The following CAPN12 variants were observed in gnomAD, a reference collection of about 807,000 sequenced individuals.
CAPN12 encodes the protein calpain-12.
CAPN12 carries 107 observed loss-of-function variants against 95.0 expected under a neutral mutation model. That is an observed-to-expected ratio of 1.13 (90% CI 0.96 to 1.32). CAPN12 has a LOEUF of 1.32. Ranked by LOEUF, CAPN12 falls within the 40% of genes most tolerant of loss-of-function variation. The probability of loss-of-function intolerance (pLI) is 0.00; values close to 1 mark genes in which losing one functional copy is unlikely to be tolerated. For missense variants in CAPN12, 1,136 were observed against 997.8 expected, an observed-to-expected ratio of 1.14 and a Z score of -1.87; for synonymous variants, 505 against 415.5, an observed-to-expected ratio of 1.22 and a Z score of -2.62.
rs893018917 is a variant in CAPN12, at chr19:38,730,564, G to GTGTC, written c.*284_*287dup. On this transcript the variant is annotated 3_prime_UTR_variant, in exon 21 of 21. Coordinates refer to ENST00000328867, the MANE Select transcript of CAPN12 (RefSeq NM_144691.4). ...AGCATCATCTTTTTTTATTTCTCCT[G>GTGTC]TGTCTGTCCTCCACCTTCTAGGAGA... 4 of 517,146 alleles carry GTGTC rather than the reference G, an allele frequency of 7.7e-6. No individual in the cohort carries two copies. Among genetic ancestry groups the GTGTC allele is most frequent in the Non-Finnish European group, 1.4e-5 (4 of 289,336 alleles). 32.0% of individuals were successfully genotyped at this position (517,146 alleles called of 1,614,324 possible).
chr19:38,744,093 G>A lies in CAPN12; in HGVS notation c.73C>T (p.Gln25Ter). 2 of 1,614,188 alleles carry A rather than the reference G, an allele frequency of 1.2e-6. No homozygotes were observed. Among genetic ancestry groups the A allele is most frequent in the African/African-American group, 1.3e-5 (1 of 75,062 alleles). Reference sequence around the variant, plus strand: ...TCATAGCTCTGGCCCCGAAAAAGCTGCAGGCGCCCGGCTCCGACCCCAGCC... The same window carrying A: ...TCATAGCTCTGGCCCCGAAAAAGCTACAGGCGCCCGGCTCCGACCCCAGCC... ...EEAGVGAGRLQLFRGQSYEAI... is the reference protein window; with the variant it reads ...EEAGVGAGRL The change falls in exon 1 of 21, where the codon CAG becomes TAG. Residue 25 changes from glutamine (Q) to a stop codon, truncating the protein, a stop_gained. Coordinates refer to ENST00000328867, the MANE Select transcript of CAPN12 (RefSeq NM_144691.4). LOFTEE classifies it high-confidence loss of function.
chr19:38,731,416 T>G, intron 18 of CAPN12, 193 bp from the exon 19 acceptor site: 6 of 616,064 alleles, frequency 9.7e-6, no homozygotes, highest in Non-Finnish European at 1.2e-5. Context: ...TCAAACGGAC[T>G]AAGACAGCCC....
rs145580324 is a variant in CAPN12, at chr19:38,740,063, G to A, written c.717C>T (p.Gly239=). 6.8e-4 allele frequency: 1,081 copies of A among 1,591,278 alleles called. 2 individuals carry two copies. Among genetic ancestry groups the A allele is most frequent in the Non-Finnish European group, 8.6e-4 (1,002 of 1,167,684 alleles). Reference sequence around the variant, plus strand: ...CCAGGTCTCTTACCAGGGCAGTGGCGCCCACGAGGGACTCCTTGGCCAGGG... The same window carrying A: ...CCAGGTCTCTTACCAGGGCAGTGGCACCCACGAGGGACTCCTTGGCCAGGG... ...RHALAKESLV[G]ATALSDRGEY... Residue 239 remains glycine, a synonymous_variant, in exon 5 of 21, where the codon GGC becomes GGT. Transcript: ENST00000328867.
intron 5 of CAPN12, 67 bp downstream of exon 5, chr19:38,739,979 GCCCAC>G: frequency 1.4e-6 from 2 of 1,424,360 alleles, no homozygotes; most frequent in Admixed American, 5.2e-5. Context: ...GAAGCACTCC[GCCCAC>G]CCCACCACAC....
At chr19:38,737,441 C>T in intron 9 of CAPN12, 34 bp downstream of exon 9, 2 of 1,611,876 alleles carry the variant, frequency 1.2e-6, no homozygotes, top group Non-Finnish European at 1.7e-6. Flanking sequence ...CGCCCCCCAC[C>T]CCAGGAAGCC....
rs1970766040 is a variant in CAPN12, at chr19:38,744,445, C to T, written c.-280G>A. ...GCAGAGCTGAGGGAGGACCGGCTGC[C>T]GCTGTCAGAGCACCAAGAAGGAGGT... On this transcript the variant is annotated 5_prime_UTR_variant, in exon 1 of 21. Coordinates refer to ENST00000328867, the MANE Select transcript of CAPN12 (RefSeq NM_144691.4). 2 of 519,026 alleles carry T rather than the reference C, an allele frequency of 3.9e-6. No homozygotes were observed. Among genetic ancestry groups the T allele is most frequent in the African/African-American group, 1.9e-5 (1 of 52,150 alleles). 32.2% of individuals were successfully genotyped at this position (519,026 alleles called of 1,614,324 possible). A position where few individuals can be genotyped will look rare whatever the true frequency, so the allele number is the denominator to read the frequency against.
chr19:38,742,999 G>A, intron 2 of CAPN12, 34 bp downstream of exon 2: 2 of 1,608,104 alleles, frequency 1.2e-6, no homozygotes, highest in Non-Finnish European at 1.7e-6. Flanking sequence ...AAACTAGCTG[G>A]ATCTGAGGAC....
intron 12 of CAPN12, 59 bp downstream of exon 12, chr19:38,736,051 G>C (rs1970109718): frequency 3.7e-6 from 3 of 821,510 alleles, no homozygotes; most frequent in Non-Finnish European, 5.2e-6. Context: ...CGGGGGTCTC[G>C]GGGGTCTCGG....
chr19:38,736,636 C>CT, intron 10 of CAPN12, 73 bp from the exon 11 acceptor site: 8 of 1,499,006 alleles, frequency 5.3e-6, no homozygotes, highest in Non-Finnish European at 7.3e-6. Flanking sequence ...CTCCCTGCCC[C>CT]TTCTCACCTC....
chr19:38,730,948 C>T lies in CAPN12; in HGVS notation c.2133+17G>A. On this transcript the variant is annotated intron_variant, in intron 20 of 20. Coordinates refer to ENST00000328867, the MANE Select transcript of CAPN12 (RefSeq NM_144691.4). ...AGGACAGAGCCTGAGCCACCCTGTC[C>T]CTCCCACCTGGCTCACCTGTCTGTG... 1.9e-6 allele frequency: 3 copies of T among 1,550,570 alleles called. No individual in the cohort carries two copies. Among genetic ancestry groups the T allele is most frequent in the Non-Finnish European group, 2.6e-6 (3 of 1,147,058 alleles).
Position 38,742,484 on chromosome 19 carries a change from G to A in CAPN12, c.352C>T (p.Pro118Ser), listed in dbSNP as rs766881782. The A allele has an allele frequency of 8.1e-6, 13 of 1,613,652 alleles. No homozygotes were observed. The highest frequency in any genetic ancestry group is 1.3e-5 in the African/African-American group (1 of 74,898). Residue 118 changes from proline to serine, a missense_variant, in exon 3 of 21, where the codon CCC (proline) becomes TCC (serine). Pro to Ser is a moderately conservative substitution (Grantham distance 74). Coordinates refer to ENST00000328867, the MANE Select transcript of CAPN12 (RefSeq NM_144691.4). The part of the protein sequence containing the change: ...LAAAASLTLY[P>S]RLLRRVVPPG... ...GGGACCACCCGGCGCAGGAGCCGGGGATACAGAGTAAGGGAGGCGGCAGCT... is the reference window on the plus strand; with the variant it reads ...GGGACCACCCGGCGCAGGAGCCGGGAATACAGAGTAAGGGAGGCGGCAGCT...
chr19:38,743,114 G>A lies in CAPN12; in HGVS notation c.238-12C>T. On this transcript the variant is annotated splice_polypyrimidine_tract_variant and intron_variant, in intron 1 of 20. Coordinates refer to ENST00000328867, the MANE Select transcript of CAPN12 (RefSeq NM_144691.4). Reference sequence around the variant, plus strand: ...TCAGCACAGAACTCCTGTGGGTGGTGGGGGATTCCAGGCCTCAGCCTGAGA... The same window carrying A: ...TCAGCACAGAACTCCTGTGGGTGGTAGGGGATTCCAGGCCTCAGCCTGAGA... 1.2e-6 allele frequency: 2 copies of A among 1,613,976 alleles called. No individual in the cohort carries two copies. The highest frequency in any genetic ancestry group is 1.7e-6 in the Non-Finnish European group (2 of 1,179,896).
In CAPN12 at chr19:38,736,272, CG is replaced by C; in HGVS notation, c.1420del (p.Arg474GlyfsTer16). The C allele has an allele frequency of 6.9e-7, 1 of 1,457,948 alleles. No homozygotes were observed. Among genetic ancestry groups the C allele is most frequent in the South Asian group, 1.4e-5 (1 of 70,572 alleles). 90.3% of individuals were successfully genotyped at this position (1,457,948 alleles called of 1,614,324 possible). ...GGGCGAGCGGTCGGCGCGCAGCAGCCGGGGCAGGAGCGCATGGCTGCGCGGG... is the reference window on the plus strand; with the variant it reads ...GGGCGAGCGGTCGGCGCGCAGCAGCCGGGCAGGAGCGCATGGCTGCGCGGG... ...DSPRSHALLP[R>X]LLRADRSPLS... On this transcript the variant is annotated frameshift_variant, in exon 12 of 21. Coordinates refer to ENST00000328867, the MANE Select transcript of CAPN12 (RefSeq NM_144691.4). LOFTEE classifies it high-confidence loss of function.
At chr19:38,744,506 T>C, upstream of CAPN12, 1 of 382,216 alleles carries the variant, frequency 2.6e-6, no homozygotes, top group Non-Finnish European at 4.9e-6. Flanking sequence ...CTTATGCCTG[T>C]GGGGCTGGGG....
intron 14 of CAPN12, 88 bp downstream of exon 14, chr19:38,735,282 A>G (rs1001236862): frequency 5.3e-5 from 70 of 1,319,102 alleles, no homozygotes; most frequent in Non-Finnish European, 7.0e-5. Context: ...AAGCAAAATG[A>G]GACACCTGAG....
At position 38,735,441 on chromosome 19, in the gene CAPN12, C is replaced by A. The variant is rs557121788; in HGVS notation, c.1627-12G>T. ...GGCAGGTAGGGGCCCTGCCGCATGG[C>A]GGAAGTTTAGCGCTGGCCAAGATCC... On this transcript the variant is annotated splice_polypyrimidine_tract_variant and intron_variant, in intron 13 of 20. Coordinates refer to ENST00000328867, the MANE Select transcript of CAPN12 (RefSeq NM_144691.4). The A allele has an allele frequency of 6.2e-6, 10 of 1,610,688 alleles. No homozygotes were observed. The highest frequency in any genetic ancestry group is 8.5e-6 in the Non-Finnish European group (10 of 1,178,976).
chr19:38,734,709 A>G, intron 15 of CAPN12, 104 bp downstream of exon 15: 1 of 1,078,134 alleles, frequency 9.3e-7, no homozygotes, highest in South Asian at 1.5e-5. Flanking sequence ...CCTGAGCCCA[A>G]CTCCCAGCAG....
rs1781546967 is a variant in CAPN12 at position 38,736,336 on chromosome 19, T to TGACCACG, written c.1375-25_1375-19dup. ...CCCAGCAGCTGGGGACGGGGCGGCA[T>TGACCACG]GACCACGGACCAGGCTCACCCCCGG... On this transcript the variant is annotated intron_variant, in intron 11 of 20. Coordinates refer to ENST00000328867, the MANE Select transcript of CAPN12 (RefSeq NM_144691.4). 1 of 1,450,624 alleles carries TGACCACG rather than the reference T, an allele frequency of 6.9e-7. No individual in the cohort carries two copies. Among genetic ancestry groups the TGACCACG allele is most frequent in the Admixed American group, 2.6e-5 (1 of 37,910 alleles). The allele number at this position is 1,450,624 out of a possible 1,614,324, so 89.9% of individuals were successfully genotyped here. A position where few individuals can be genotyped will look rare whatever the true frequency, so the allele number is the denominator to read the frequency against.
chr19:38,743,816 T>A, intron 1 of CAPN12, 113 bp downstream of exon 1: 1 of 997,380 alleles, frequency 1.0e-6, no homozygotes, highest in Non-Finnish European at 1.5e-6. Context: ...GAGCCCCTCC[T>A]CCCTCAGACC....
Sources: allele counts gnomAD v4.1 joint callset, GRCh38; gene constraint gnomAD v4.1.1; transcripts MANE v1.5; gene names NCBI Gene and HGNC (gene_info 2026-07-23, HGNC 2026-07-21).